ZNF717: variants seen among roughly 807,000 people sequenced by gnomAD.
ZNF717 encodes zinc finger protein 717.
Under a neutral mutation model 13.8 loss-of-function variants are expected in ZNF717, and 9 were observed. The ratio of observed to expected loss-of-function variants is 0.65; its 90% CI spans 0.39 to 1.14. The LOEUF is 1.14. Among genes scored for constraint, ZNF717 ranks in the 50% most tolerant of loss-of-function variants. The pLI is 0.01. For synonymous variants in ZNF717, 327 were observed against 364.1 expected, an observed-to-expected ratio of 0.90 and a Z score of 1.16; for missense variants, 1,040 against 1,080.7, an observed-to-expected ratio of 0.96 and a Z score of 0.53.
intron 5 of ZNF717, among the ~76,000 whole-genome samples, chr3:75,712,038 G>A (rs1174409252): frequency 6.6e-6 from 1 of 152,244 alleles, no homozygotes; most frequent in Non-Finnish European, 1.5e-5. Context: ...TGTTTTTCTA[G>A]ATTTTTCAGG....
chr3:75,715,444 C>T (rs1403203260), intron 5 of ZNF717, among the ~76,000 whole-genome samples: 4 of 152,088 alleles, frequency 2.6e-5, no homozygotes, highest in African/African-American at 9.7e-5. Flanking sequence ...TAGATTATTG[C>T]TGTAAGGTCA....
chr3:75,780,017 T>C (rs1252051160), intron 2 of ZNF717, among the ~76,000 whole-genome samples: 1 of 144,842 alleles, frequency 6.9e-6, no homozygotes, highest in Admixed American at 7.0e-5. Context: ...CCCAAAACAA[T>C]GGGAGAGACG....
chr3:75,767,395 C>T (rs1164376064), intron 2 of ZNF717, among the ~76,000 whole-genome samples: 1 of 152,264 alleles, frequency 6.6e-6, no homozygotes, highest in Non-Finnish European at 1.5e-5. Flanking sequence ...TTGTTTTAAG[C>T]TGCCAAGTTT....
At chr3:75,765,135 C>T (rs932298585) in intron 2 of ZNF717, among the ~76,000 whole-genome samples, 47 of 148,904 alleles carry the variant, frequency 3.2e-4, no homozygotes, top group Middle Eastern at 3.5e-3. Flanking sequence ...ATGAAACCTA[C>T]TTAACAAAAC....
intron 2 of ZNF717, among the ~76,000 whole-genome samples, chr3:75,765,857 C>T (rs369226663): frequency 6.6e-6 from 1 of 152,154 alleles, no homozygotes; most frequent in Non-Finnish European, 1.5e-5. Context: ...GCCTGTAATC[C>T]CAACACTTTG....
intron 2 of ZNF717, among the ~76,000 whole-genome samples, chr3:75,763,271 G>GT (rs1346575874): frequency 6.6e-6 from 1 of 152,174 alleles, no homozygotes; most frequent in African/African-American, 2.4e-5. Context: ...CCAGTTGAGC[G>GT]TCCCTTATTT....
chr3:75,701,425 T>G (rs376580288), intron 6 of ZNF717, among the ~76,000 whole-genome samples: 1 of 152,308 alleles, frequency 6.6e-6, no homozygotes, highest in Non-Finnish European at 1.5e-5. Flanking sequence ...AATCTCACCA[T>G]TTTGGGAAGC....
At chr3:75,729,659 T>C (rs1480938385), downstream of ZNF717, among the ~76,000 whole-genome samples, 2 of 150,696 alleles carry the variant, frequency 1.3e-5, no homozygotes, top group African/African-American at 2.4e-5. Flanking sequence ...CAATTTACAT[T>C]GCTATGATGA....
At chr3:75,732,099 G>C (rs1938612106), downstream of ZNF717, 3 of 702,914 alleles carry the variant, frequency 4.3e-6, no homozygotes, top group Non-Finnish European at 7.8e-6. Context: ...AAATACCTGA[G>C]AAAACTTGCT....
intron 2 of ZNF717, among the ~76,000 whole-genome samples, chr3:75,767,045 T>G (rs1332979727): frequency 1.3e-5 from 2 of 152,248 alleles, no homozygotes; most frequent in Non-Finnish European, 2.9e-5. Context: ...ACTGACTTAT[T>G]TGGCCAACAG....
chr3:75,696,091 A>G (rs1342462653), intron 6 of ZNF717, among the ~76,000 whole-genome samples: 1 of 42 alleles, frequency 0.024, no homozygotes, highest in Non-Finnish European at 0.062. Flanking sequence ...AAAAACAGAG[A>G]AGATACAAAT....
intron 2 of ZNF717, among the ~76,000 whole-genome samples, chr3:75,783,012 C>T (rs1317705023): frequency 1.3e-5 from 2 of 152,254 alleles, no homozygotes; most frequent in African/African-American, 4.8e-5. Context: ...ACAAGCTTTC[C>T]TGTCCCACAA....
intron 4 of ZNF717, among the ~76,000 whole-genome samples, chr3:75,717,691 A>T (rs1327149107): frequency 6.6e-6 from 1 of 152,174 alleles, no homozygotes. Context: ...GCCCACAAAA[A>T]GGCTACAGAG....
intron 2 of ZNF717, among the ~76,000 whole-genome samples, chr3:75,768,594 G>A (rs944518757): frequency 1.4e-5 from 2 of 147,096 alleles, no homozygotes; most frequent in African/African-American, 5.1e-5. Flanking sequence ...CACTGCGGCT[G>A]AGTGTGGGAG....
chr3:75,719,737 G>A (rs73114952), intron 4 of ZNF717, among the ~76,000 whole-genome samples: 1 of 151,926 alleles, frequency 6.6e-6, no homozygotes, highest in African/African-American at 2.4e-5. Context: ...CAGGTGGATC[G>A]CCTGAAGTCA....
At chr3:75,749,620 C>T (rs1282272479) in intron 2 of ZNF717, among the ~76,000 whole-genome samples, 3 of 151,272 alleles carry the variant, frequency 2.0e-5, no homozygotes, top group African/African-American at 7.3e-5. Flanking sequence ...CCAGAACATT[C>T]CTGCTGTGGT....
intron 2 of ZNF717, among the ~76,000 whole-genome samples, chr3:75,750,468 A>G (rs892886758): frequency 6.7e-6 from 1 of 150,344 alleles, no homozygotes; most frequent in Non-Finnish European, 1.5e-5. Context: ...CTCACATACA[A>G]TTCCAGTACA....
downstream of ZNF717, among the ~76,000 whole-genome samples, chr3:75,731,812 T>C (rs1368992869): frequency 6.6e-6 from 1 of 152,200 alleles, no homozygotes. Context: ...CTTTTTGGAT[T>C]TGAATGTGAA....
chr3:75,725,130 C>T (rs1255776164), downstream of ZNF717, among the ~76,000 whole-genome samples: 41 of 152,252 alleles, frequency 2.7e-4, no homozygotes, highest in African/African-American at 9.4e-4. Flanking sequence ...TTTCCATCAG[C>T]CTGCACTCCT....
Sources: allele counts gnomAD v4.1 joint callset (sites outside exome capture counted in the v4.1 genomes callset), GRCh38; gene constraint gnomAD v4.1.1; transcripts MANE v1.5; gene names NCBI Gene and HGNC (gene_info 2026-07-23, HGNC 2026-07-21).